The following ADAM12 variants were observed in gnomAD, a reference collection of about 807,000 sequenced individuals.
The protein encoded by ADAM12 is disintegrin and metalloproteinase domain-containing protein 12.
Under a neutral mutation model 106.4 loss-of-function variants are expected in ADAM12, and 70 were observed. The observed-to-expected ratio is 0.66, with a 90% confidence interval of 0.54 to 0.80. The LOEUF (loss-of-function observed/expected upper bound fraction) is 0.80, where lower values mean the gene tolerates loss of function less well. ADAM12 is among the 30% of genes least tolerant of loss of function. ADAM12 has a pLI of 0.00. For synonymous variants in ADAM12, 420 were observed against 433.5 expected (o/e 0.97, Z 0.39); for missense variants, 1,010 against 1,171.9 (o/e 0.86, Z 2.02).
chr10:126,076,645 C>T (rs182079046), intron 11 of ADAM12, among the ~76,000 whole-genome samples: 5 of 152,260 alleles, frequency 3.3e-5, no homozygotes, highest in African/African-American at 9.6e-5. Context: ...CATATGGTCA[C>T]TTGTATGTCT....
intron 1 of ADAM12, among the ~76,000 whole-genome samples, chr10:126,346,015 C>G (rs1363616964): frequency 6.6e-6 from 1 of 152,124 alleles, no homozygotes; most frequent in East Asian, 1.9e-4. Flanking sequence ...GTGTCTCTGT[C>G]TCCTTCAGTT....
intron 14 of ADAM12, among the ~76,000 whole-genome samples, chr10:126,052,623 G>A (rs1954532553): frequency 6.6e-6 from 1 of 152,160 alleles, no homozygotes; most frequent in Non-Finnish European, 1.5e-5. Flanking sequence ...AGTTGGACAA[G>A]GTTGGACTGG....
chr10:126,013,629 A>G lies in ADAM12; in HGVS notation c.*3650T>C, dbSNP rs1015248538. Reference sequence around the variant, plus strand: ...ATCTAAAGTAGCAATGGAAGTAGTGATTTGACTGTCAAACTGGAGATGCAT... The same window carrying G: ...ATCTAAAGTAGCAATGGAAGTAGTGGTTTGACTGTCAAACTGGAGATGCAT... On this transcript the variant is annotated 3_prime_UTR_variant, in exon 23 of 23. Coordinates refer to ENST00000448723, the MANE Select transcript of ADAM12 (RefSeq NM_001288973.2). The surrounding 1 kb of genome is among the most constrained non-coding windows in gnomAD (Gnocchi z 4.3). 1 of 152,338 alleles carries G rather than the reference A, an allele frequency of 6.6e-6. No homozygotes were observed. Among genetic ancestry groups the G allele is most frequent in the Non-Finnish European group, 1.5e-5 (1 of 68,164 alleles). The allele number at this position is 152,338 out of a possible 1,614,324, so 9.4% of individuals were successfully genotyped here.
At chr10:126,057,400 CAA>C (rs1196820296) in intron 14 of ADAM12, among the ~76,000 whole-genome samples, 4 of 33,746 alleles carry the variant, frequency 1.2e-4, no homozygotes, top group South Asian at 1.2e-3. Flanking sequence ...AACAAAAAAA[CAA>C]AAAAAAAAAA....
chr10:126,163,130 G>A (rs1956965514), intron 3 of ADAM12, among the ~76,000 whole-genome samples: 1 of 152,156 alleles, frequency 6.6e-6, no homozygotes, highest in Non-Finnish European at 1.5e-5. Flanking sequence ...AGCAGATGCC[G>A]ATGCTATGCT....
At chr10:126,239,587 A>G (rs3858317) in intron 3 of ADAM12, among the ~76,000 whole-genome samples, 32,984 of 152,164 alleles carry the variant, frequency 0.22, 3,711 homozygotes, top group African/African-American at 0.28. Flanking sequence ...ATTCAAGCAC[A>G]TGACATTTAT....
intron 10 of ADAM12, among the ~76,000 whole-genome samples, 165 bp downstream of exon 10, chr10:126,098,251 A>C (rs1955593632): frequency 1.3e-5 from 2 of 152,272 alleles, no homozygotes; most frequent in African/African-American, 2.4e-5. Context: ...ATGGTTCCTA[A>C]AACACTGTGG....
intron 21 of ADAM12, among the ~76,000 whole-genome samples, chr10:126,025,085 A>G (rs1465995469): frequency 6.6e-6 from 1 of 152,166 alleles, no homozygotes; most frequent in Non-Finnish European, 1.5e-5. Context: ...GCCCACAAAG[A>G]TGAGAAAGAA....
In ADAM12 at chr10:126,332,007, G is replaced by A. The variant is rs376272248; in HGVS notation, c.89-1498C>T. ...GTAAGTGTGTCTCCCTCCTCCTGTC[G>A]CTTGAGCCCATGCCTTCCATGTGCT... On this transcript the variant is annotated intron_variant, in intron 1 of 22. Coordinates refer to ENST00000448723, the MANE Select transcript of ADAM12 (RefSeq NM_001288973.2). Among the ~76,000 whole-genome samples the A allele has an allele frequency of 2.5e-4, 38 of 152,220 alleles. 1 individual carries two copies. The highest frequency in any genetic ancestry group is 3.4e-3 in the Middle Eastern group (1 of 294).
At chr10:126,284,574 A>T (rs1003184014) in intron 2 of ADAM12, among the ~76,000 whole-genome samples, 1 of 152,100 alleles carries the variant, frequency 6.6e-6, no homozygotes, top group East Asian at 1.9e-4. Context: ...TTTTTATAAA[A>T]ATGAGGTCTC....
At position 126,157,841 on chromosome 10, in the gene ADAM12, A is replaced by T. The variant is rs533744113; in HGVS notation, c.261-2536T>A. On this transcript the variant is annotated intron_variant, in intron 3 of 22. Transcript: ENST00000448723. ...ACAGGGCACCCTGGCCCTGTCACGCAGTCATGAGCAAAGGAGAGGAAGAGG... is the reference window on the plus strand; with the variant it reads ...ACAGGGCACCCTGGCCCTGTCACGCTGTCATGAGCAAAGGAGAGGAAGAGG... 6.7e-3 allele frequency among the ~76,000 whole-genome samples: 304 copies of T among 45,640 alleles called. 1 individual carries two copies. The highest frequency in any genetic ancestry group is 0.014 in the African/African-American group (293 of 20,240). The allele number at this position is 45,640 out of a possible 152,430, so 29.9% of individuals were successfully genotyped here.
At chr10:126,141,879 T>C (rs978006120) in intron 4 of ADAM12, among the ~76,000 whole-genome samples, 1 of 152,244 alleles carries the variant, frequency 6.6e-6, no homozygotes, top group Admixed American at 6.5e-5. Context: ...CCAAACTATC[T>C]TGATTAAGTG....
intron 3 of ADAM12, among the ~76,000 whole-genome samples, chr10:126,179,839 G>C (rs574371753): frequency 3.2e-4 from 49 of 152,200 alleles, no homozygotes; most frequent in African/African-American, 1.1e-3. Flanking sequence ...GGAAGTAGTC[G>C]GCTGTCACTA....
chr10:126,257,259 T>C (rs564349037), intron 3 of ADAM12, among the ~76,000 whole-genome samples: 159 of 152,346 alleles, frequency 1.0e-3, no homozygotes, highest in African/African-American at 3.8e-3. Flanking sequence ...AGTGATGTCC[T>C]AAAGCCCAGA....
chr10:126,239,572 C>A (rs1958483454), intron 3 of ADAM12, among the ~76,000 whole-genome samples: 1 of 152,076 alleles, frequency 6.6e-6, no homozygotes, highest in Non-Finnish European at 1.5e-5. Context: ...ATTTTCCTTT[C>A]AGAAATTCAA....
intron 8 of ADAM12, among the ~76,000 whole-genome samples, chr10:126,101,555 ATG>A (rs1009707892): frequency 2.0e-5 from 3 of 152,242 alleles, no homozygotes; most frequent in Non-Finnish European, 4.4e-5. Flanking sequence ...GTACATACAG[ATG>A]TGTATTATAG....
intron 1 of ADAM12, among the ~76,000 whole-genome samples, chr10:126,387,029 A>C (rs569052349): frequency 5.5e-4 from 84 of 152,346 alleles, no homozygotes; most frequent in African/African-American, 2.0e-3. Context: ...CAGCAGTGGC[A>C]ATCGCAAAAT....
Position 126,064,815 on chromosome 10 carries a change from A to G in ADAM12, c.1600T>C (p.Trp534Arg). ...QTHEQQCVTLWGPGAKPAPGI... is the reference protein window; with the variant it reads ...QTHEQQCVTLRGPGAKPAPGI... ...TGTGGCGGCCACGTACCTGGTCCCCAGAGCGTGACACACTGCTGCTCGTGA... is the reference window on the plus strand; with the variant it reads ...TGTGGCGGCCACGTACCTGGTCCCCGGAGCGTGACACACTGCTGCTCGTGA... Residue 534 changes from tryptophan (W) to arginine (R), a missense_variant, in exon 14 of 23, where the codon TGG becomes CGG. Physicochemically the swap from Trp to Arg is moderately radical, Grantham distance 101. Transcript: ENST00000448723. This position sits in a 1 kb window ranked among gnomAD's most constrained non-coding sequence, Gnocchi z 4.4. 6.2e-7 allele frequency: 1 copy of G among 1,605,748 alleles called. No homozygotes were observed. The highest frequency in any genetic ancestry group is 8.5e-7 in the Non-Finnish European group (1 of 1,176,460).
intron 11 of ADAM12, among the ~76,000 whole-genome samples, chr10:126,087,712 T>A (rs1362778207): frequency 6.6e-6 from 1 of 152,218 alleles, no homozygotes; most frequent in Non-Finnish European, 1.5e-5. Context: ...TCTAACGATA[T>A]GTATTGTCCA....
Sources: allele counts gnomAD v4.1 joint callset (sites outside exome capture counted in the v4.1 genomes callset), GRCh38; gene constraint gnomAD v4.1.1; non-coding constraint Gnocchi (gnomAD v3.1); transcripts MANE v1.5; gene names NCBI Gene and HGNC (gene_info 2026-07-23, HGNC 2026-07-21).